The following RBM27 variants were observed in gnomAD, a reference collection of about 807,000 sequenced individuals.
RBM27 encodes the protein RNA binding motif protein 27, also known as RNA-binding protein 27.
A neutral mutation model predicts 135.3 loss-of-function variants in RBM27; 22 were observed. That is an observed-to-expected ratio of 0.16 (90% CI 0.12 to 0.23). RBM27 has a LOEUF of 0.23. Ranked by LOEUF, RBM27 falls within the 10% of genes least tolerant of loss-of-function variation. RBM27 has a pLI of 1.00. For missense variants in RBM27, 1,009 were observed against 1,281.0 expected (o/e 0.79, Z 3.24); for synonymous variants, 481 against 442.4 (o/e 1.09, Z -1.10).
chr5:146,239,124 T>TA (rs1757292947), intron 8 of RBM27, among the ~76,000 whole-genome samples: 1 of 152,210 alleles, frequency 6.6e-6, no homozygotes, highest in Non-Finnish European at 1.5e-5. Context: ...ACCCACCTAA[T>TA]ACCTAGAATT....
rs568088712 is a variant in RBM27, at chr5:146,284,431, G to A, written c.2989-191G>A. Among the ~76,000 whole-genome samples the A allele has an allele frequency of 2.0e-5, 3 of 152,172 alleles. No individual in the cohort carries two copies. The South Asian group carries it at 6.2e-4, about 32-fold the overall frequency. ...CAGATATAAACCATGGGTTATCCTA[G>A]GCAAACCAGAACATATAGTTGCTCT... is the stretch of plus-strand genomic sequence containing the variant. On this transcript the variant is annotated intron_variant, in intron 19 of 20. Transcript: ENST00000265271.
At chr5:146,237,195 T>C in intron 7 of RBM27, 103 bp from the exon 8 acceptor site, 1 of 1,409,448 alleles carries the variant, frequency 7.1e-7, no homozygotes, top group Non-Finnish European at 9.8e-7. Context: ...TGTCTTGGCC[T>C]CCCACAGTTC....
chr5:146,211,682 T>C (rs918441635), intron 1 of RBM27, among the ~76,000 whole-genome samples: 8 of 151,700 alleles, frequency 5.3e-5, no homozygotes, highest in African/African-American at 1.9e-4. Flanking sequence ...GGTTGCTCCA[T>C]GTTGGTCAGG....
At chr5:146,274,978 T>A (rs2126896050) in intron 19 of RBM27, among the ~76,000 whole-genome samples, 1 of 151,580 alleles carries the variant, frequency 6.6e-6, no homozygotes, top group East Asian at 1.9e-4. Flanking sequence ...TTTCTAGTTC[T>A]TTTTCTTTTT....
rs1346042277 is a variant in RBM27 at position 146,271,514 on chromosome 5, G to A, written c.2828G>A (p.Arg943Gln). ...CGGTTAGGTATTTTACCTGTGGGTC[G>A]AGGAAAGACCATGTCCTCTCAAGGT... ...AARLGILPVG[R>Q]GKTMSSQGRG... Residue 943 changes from arginine to glutamine, a missense_variant, in exon 19 of 21, where the codon CGA becomes CAA. By Grantham distance (43) the Arg-to-Gln change is conservative. Transcript: ENST00000265271. 19 of 1,613,316 alleles carry A rather than the reference G, an allele frequency of 1.2e-5. No homozygotes were observed. The highest frequency in any genetic ancestry group is 6.7e-5 in the East Asian group (3 of 44,872).
chr5:146,236,446 C>G (rs1581174641), intron 7 of RBM27, among the ~76,000 whole-genome samples: 1 of 152,194 alleles, frequency 6.6e-6, no homozygotes, highest in Non-Finnish European at 1.5e-5. Flanking sequence ...CCCATAGAGG[C>G]AACCAGTCCT....
chr5:146,250,920 G>A (rs534425407), intron 8 of RBM27, among the ~76,000 whole-genome samples: 29 of 151,722 alleles, frequency 1.9e-4, no homozygotes, highest in Admixed American at 6.6e-4. Context: ...GGGATTACAG[G>A]TGCCCACCAC....
Position 146,258,613 on chromosome 5 carries a change from A to G in RBM27, c.1739+20A>G, listed in dbSNP as rs1199024801. On this transcript the variant is annotated intron_variant, in intron 11 of 20. Transcript: ENST00000265271. ...GGGAAAGTAAGATAATTTGCTAATT[A>G]GTAGCATCTAATTGTTATTGTCGTT... 2.6e-6 allele frequency: 4 copies of G among 1,545,758 alleles called. No homozygotes were observed. Among genetic ancestry groups the G allele is most frequent in the Non-Finnish European group, 2.6e-6 (3 of 1,148,610 alleles).
rs551286295 is a variant in RBM27, at chr5:146,247,184, C to CT, written c.1280-4521dup. On this transcript the variant is annotated intron_variant, in intron 8 of 20. Transcript: ENST00000265271. ...TGGCCTTAGTTTTTATTTTTGTTTT[C>CT]TTTTTTATTGCTCCTCAAAATTCAG... Among the ~76,000 whole-genome samples the CT allele has an allele frequency of 5.3e-5, 8 of 151,960 alleles. No homozygotes were observed. In the East Asian group the frequency reaches 1.5e-3, roughly 29 times the overall value.
intron 8 of RBM27, among the ~76,000 whole-genome samples, chr5:146,246,791 T>TC (rs1688829603): frequency 6.6e-6 from 1 of 152,130 alleles, no homozygotes; most frequent in South Asian, 2.1e-4. Flanking sequence ...ATTTCTGGCT[T>TC]CAACAGTTAA....
At chr5:146,249,716 A>G (rs1757799653) in intron 8 of RBM27, among the ~76,000 whole-genome samples, 1 of 151,688 alleles carries the variant, frequency 6.6e-6, no homozygotes, top group Admixed American at 6.6e-5. Context: ...AAGTAAAAAA[A>G]AAAGAAAAAA....
intron 1 of RBM27, among the ~76,000 whole-genome samples, chr5:146,214,621 G>A (rs1756112944): frequency 6.6e-6 from 1 of 152,100 alleles, no homozygotes; most frequent in African/African-American, 2.4e-5. Flanking sequence ...AAGAATAATT[G>A]TAAAAGTCTA....
chr5:146,226,471 T>A (rs781720003), intron 3 of RBM27, among the ~76,000 whole-genome samples: 6 of 151,928 alleles, frequency 3.9e-5, no homozygotes, highest in Non-Finnish European at 7.4e-5. Flanking sequence ...CTCCACCTCC[T>A]GGATTCAAGC....
In RBM27 at chr5:146,273,511, C is replaced by CT. The variant is rs143792885; in HGVS notation, c.2988+1843dup. On this transcript the variant is annotated intron_variant, in intron 19 of 20. Coordinates refer to ENST00000265271, the MANE Select transcript of RBM27 (RefSeq NM_018989.2). Reference sequence around the variant, plus strand: ...TTGATTTGGATGGCTCTTTTTTTTTCTTTTTTGATAGCATACTATCAGAAA... The same window carrying CT: ...TTGATTTGGATGGCTCTTTTTTTTTCTTTTTTTGATAGCATACTATCAGAAA... Among the ~76,000 whole-genome samples the CT allele has an allele frequency of 3.7e-3, 559 of 151,628 alleles. 2 individuals carry two copies. Among genetic ancestry groups the CT allele is most frequent in the African/African-American group, 0.013 (541 of 41,380 alleles).
intron 3 of RBM27, among the ~76,000 whole-genome samples, chr5:146,225,174 C>A (rs888985622): frequency 6.6e-6 from 1 of 152,068 alleles, no homozygotes; most frequent in Non-Finnish European, 1.5e-5. Context: ...GTTGCCCAGG[C>A]TGGTCTTGAA....
intron 19 of RBM27, among the ~76,000 whole-genome samples, chr5:146,282,216 G>A (rs573528751): frequency 6.6e-6 from 1 of 152,236 alleles, no homozygotes; most frequent in African/African-American, 2.4e-5. Flanking sequence ...ATGTTGGACA[G>A]GCTGGTCTTG....
chr5:146,282,699 AT>A (rs1345028531), intron 19 of RBM27, among the ~76,000 whole-genome samples: 1 of 152,204 alleles, frequency 6.6e-6, no homozygotes, highest in Non-Finnish European at 1.5e-5. Flanking sequence ...GCATTCATGG[AT>A]TTTGGTATTC....
chr5:146,251,026 C>T (rs1247194713), intron 8 of RBM27, among the ~76,000 whole-genome samples: 4 of 151,004 alleles, frequency 2.6e-5, no homozygotes, highest in East Asian at 1.9e-4. Flanking sequence ...CCACCCACCT[C>T]GGCCTCCCAA....
At chr5:146,237,548 A>G in intron 8 of RBM27, 116 bp downstream of exon 8, 4 of 1,211,420 alleles carry the variant, frequency 3.3e-6, no homozygotes, top group Non-Finnish European at 4.7e-6. Flanking sequence ...GATTCTAAAA[A>G]TTGTATTTGT....
Sources: allele counts gnomAD v4.1 joint callset (sites outside exome capture counted in the v4.1 genomes callset), GRCh38; gene constraint gnomAD v4.1.1; transcripts MANE v1.5; gene names NCBI Gene and HGNC (gene_info 2026-07-23, HGNC 2026-07-21).